Variants in SHCBP1 observed in about 807,000 individuals in gnomAD.
SHCBP1 encodes SHC binding and spindle associated 1, also known as SHC SH2 domain-binding protein 1.
SHCBP1 carries 60 observed loss-of-function variants against 75.1 expected under a neutral mutation model. The ratio of observed to expected loss-of-function variants is 0.80; its 90% CI spans 0.65 to 0.99. The LOEUF (loss-of-function observed/expected upper bound fraction) is 0.99, where lower values mean the gene tolerates loss of function less well. Among genes scored for constraint, SHCBP1 ranks in the 50% least tolerant of loss-of-function variants. The pLI, the probability that SHCBP1 is intolerant of heterozygous loss-of-function variation, is 0.00. For missense variants in SHCBP1, 709 were observed against 809.4 expected, an observed-to-expected ratio of 0.88 and a Z score of 1.50; for synonymous variants, 290 against 293.2, an observed-to-expected ratio of 0.99 and a Z score of 0.11.
Position 46,616,218 on chromosome 16 carries a change from C to T in SHCBP1, c.388-64G>A. 1 of 1,499,310 alleles carries T rather than the reference C, an allele frequency of 6.7e-7. No homozygotes were observed. The highest frequency in any genetic ancestry group is 9.1e-7 in the Non-Finnish European group (1 of 1,097,846). The allele number at this position is 1,499,310 out of a possible 1,614,324, so 92.9% of individuals were successfully genotyped here. A position where few individuals can be genotyped will look rare whatever the true frequency, so the allele number is the denominator to read the frequency against. On this transcript the variant is annotated intron_variant, in intron 3 of 12. Transcript: ENST00000303383. This position sits in a 1 kb window ranked among gnomAD's most constrained non-coding sequence, Gnocchi z 4.4. ...AAAATGAAGATACACCTATAAGACA[C>T]TACTGACAACCTGATTTTTTTAAAA...
chr16:46,602,653 C>G (rs1156653980), intron 8 of SHCBP1, among the ~76,000 whole-genome samples: 2 of 152,106 alleles, frequency 1.3e-5, no homozygotes. Context: ...TTTTTTTAGA[C>G]AGAGTCTTGC....
intron 10 of SHCBP1, among the ~76,000 whole-genome samples, chr16:46,592,500 T>C (rs1965062785): frequency 1.3e-5 from 2 of 152,154 alleles, no homozygotes; most frequent in South Asian, 2.1e-4. Flanking sequence ...GGTGATTGCA[T>C]TGGAGAAATC....
At position 46,621,322 on chromosome 16, in the gene SHCBP1, G is replaced by C. The variant is rs144267302; in HGVS notation, c.38C>G (p.Ala13Gly). The change falls in exon 1 of 13, where the codon GCA becomes GGA. Residue 13 changes from alanine to glycine, a missense_variant. By Grantham distance (60) the Ala-to-Gly change is moderately conservative (BLOSUM62 0). Coordinates refer to ENST00000303383, the MANE Select transcript of SHCBP1 (RefSeq NM_024745.5). Reference sequence around the variant, plus strand: ...CATGCGCTCCGGCGCCATGGCCGCTGCCTCCAGACCGCCGCCCGTCAGCGA... The same window carrying C: ...CATGCGCTCCGGCGCCATGGCCGCTCCCTCCAGACCGCCGCCCGTCAGCGA... The part of the protein sequence containing the change: ...DGSLTGGGLE[A>G]AAMAPERMGW... 7 of 1,611,354 alleles carry C rather than the reference G, an allele frequency of 4.3e-6. No homozygotes were observed. In the Admixed American group the frequency reaches 8.3e-5, roughly 19 times the overall value.
chr16:46,603,091 G>A (rs1485962862), intron 8 of SHCBP1, among the ~76,000 whole-genome samples: 2 of 152,028 alleles, frequency 1.3e-5, no homozygotes, highest in African/African-American at 4.8e-5. Context: ...TACCTCTCAC[G>A]AAAATAAGCT....
chr16:46,591,762 G>T (rs932456887), intron 10 of SHCBP1, among the ~76,000 whole-genome samples: 4 of 151,944 alleles, frequency 2.6e-5, no homozygotes, highest in African/African-American at 4.8e-5. Context: ...AGCCATAAAA[G>T]AAACCTCTAG....
rs1965290937 is a variant in SHCBP1 at position 46,604,237 on chromosome 16, G to A, written c.914C>T (p.Pro305Leu). The A allele has an allele frequency of 6.2e-7, 1 of 1,614,136 alleles. No individual in the cohort carries two copies. The highest frequency in any genetic ancestry group is 8.5e-7 in the Non-Finnish European group (1 of 1,180,010). ...LKQKLKLIEN[P>L]LLRYVFGYQK... ...ACAAAGACACACATACCTCAACAAA[G>A]GATTCTCAATGAGTTTCAGCTTTTG... Residue 305 changes from proline to leucine, a missense_variant, in exon 6 of 13, where the codon CCT becomes CTT. Physicochemically the swap from Pro to Leu is moderately conservative, Grantham distance 98 (BLOSUM62 -3). Coordinates refer to ENST00000303383, the MANE Select transcript of SHCBP1 (RefSeq NM_024745.5).
At chr16:46,590,060 G>A (rs961929688) in intron 10 of SHCBP1, among the ~76,000 whole-genome samples, 2 of 152,146 alleles carry the variant, frequency 1.3e-5, no homozygotes, top group African/African-American at 4.8e-5. Flanking sequence ...ACAAAAACAA[G>A]AAATGGGGAA....
intron 10 of SHCBP1, among the ~76,000 whole-genome samples, chr16:46,587,956 C>A (rs950933927): frequency 6.6e-6 from 1 of 152,108 alleles, no homozygotes; most frequent in Admixed American, 6.6e-5. Flanking sequence ...GAAATTATAA[C>A]AAACTGTCTC....
chr16:46,615,790 T>A (rs1198865819), intron 4 of SHCBP1, among the ~76,000 whole-genome samples, 156 bp downstream of exon 4: 1 of 152,172 alleles, frequency 6.6e-6, no homozygotes, highest in Non-Finnish European at 1.5e-5. Flanking sequence ...TTTTTTTTAA[T>A]TTAAAAAAGA....
At chr16:46,600,658 TGA>T (rs1965218439) in intron 8 of SHCBP1, among the ~76,000 whole-genome samples, 1 of 152,198 alleles carries the variant, frequency 6.6e-6, no homozygotes, top group Admixed American at 6.5e-5. Flanking sequence ...GCTTAAAATC[TGA>T]CAAACTGACT....
chr16:46,586,292 AT>A (rs1389505905), intron 10 of SHCBP1, among the ~76,000 whole-genome samples: 1 of 152,246 alleles, frequency 6.6e-6, no homozygotes, highest in Non-Finnish European at 1.5e-5. Flanking sequence ...CCAAATGGAA[AT>A]TTTAGAATTG....
At chr16:46,582,695 G>A (rs758352530) in intron 12 of SHCBP1, among the ~76,000 whole-genome samples, 4 of 152,186 alleles carry the variant, frequency 2.6e-5, no homozygotes, top group South Asian at 2.1e-4. Context: ...ATATGAATGC[G>A]TTTGGAGACA....
intron 10 of SHCBP1, among the ~76,000 whole-genome samples, chr16:46,592,951 C>CAAACAAAAAAAAAAAAA (rs1965070185): frequency 4.4e-5 from 1 of 22,778 alleles, no homozygotes. Flanking sequence ...TAAAAATTCT[C>CAAACAAAAAAAAAAAAA]AAAAAAAAAA....
chr16:46,601,426 C>T (rs1259326804), intron 8 of SHCBP1, among the ~76,000 whole-genome samples: 3 of 152,158 alleles, frequency 2.0e-5, no homozygotes, highest in South Asian at 4.1e-4. Context: ...CTAAAGAATT[C>T]GCTTGACTTC....
intron 10 of SHCBP1, among the ~76,000 whole-genome samples, chr16:46,587,769 A>T (rs1343306322): frequency 6.6e-6 from 1 of 152,172 alleles, no homozygotes; most frequent in African/African-American, 2.4e-5. Context: ...ACAGAAAGTT[A>T]ACAAGGATAC....
At chr16:46,606,194 G>C (rs1965324870) in intron 5 of SHCBP1, among the ~76,000 whole-genome samples, 1 of 152,036 alleles carries the variant, frequency 6.6e-6, no homozygotes, top group East Asian at 1.9e-4. Flanking sequence ...CACAGATCCC[G>C]AAGTTCTGAA....
At position 46,581,812 on chromosome 16, in the gene SHCBP1, T is replaced by C. The variant is rs1316299714; in HGVS notation, c.1936A>G (p.Met646Val). The change falls in exon 13 of 13, where the codon ATG (methionine) becomes GTG (valine). Residue 646 changes from methionine (M) to valine (V), a missense_variant. Coordinates refer to ENST00000303383, the MANE Select transcript of SHCBP1 (RefSeq NM_024745.5). ...ATCCCAACAAACATCTCCTGTGACATTAAGTTGTCATCAGCTTGCGTGATC... is the reference window on the plus strand; with the variant it reads ...ATCCCAACAAACATCTCCTGTGACACTAAGTTGTCATCAGCTTGCGTGATC... ...LGITQADDNL[M>V]SQEMFVGIVG... The C allele has an allele frequency of 6.2e-7, 1 of 1,614,220 alleles. No individual in the cohort carries two copies.
intron 10 of SHCBP1, among the ~76,000 whole-genome samples, chr16:46,589,353 G>T (rs1162747786): frequency 1.3e-5 from 2 of 152,130 alleles, no homozygotes; most frequent in Non-Finnish European, 2.9e-5. Flanking sequence ...GAAATAAAGG[G>T]TATTGAATTA....
chr16:46,614,960 G>A (rs1447667350), intron 4 of SHCBP1, among the ~76,000 whole-genome samples: 2 of 152,312 alleles, frequency 1.3e-5, no homozygotes, highest in East Asian at 3.9e-4. Context: ...GGGGTCCACT[G>A]ATAATTTACA....
Sources: allele counts gnomAD v4.1 joint callset (sites outside exome capture counted in the v4.1 genomes callset), GRCh38; gene constraint gnomAD v4.1.1; non-coding constraint Gnocchi (gnomAD v3.1); transcripts MANE v1.5; gene names NCBI Gene and HGNC (gene_info 2026-07-23, HGNC 2026-07-21).